The following STAM2 variants were observed in gnomAD, a reference collection of about 807,000 sequenced individuals.
STAM2 encodes the protein signal transducing adapter molecule 2.
Under a neutral mutation model 65.6 loss-of-function variants are expected in STAM2, and 51 were observed. The ratio of observed to expected loss-of-function variants is 0.78; its 90% CI spans 0.62 to 0.98. The LOEUF is 0.98. Ranked by LOEUF, STAM2 falls within the 50% of genes least tolerant of loss-of-function variation. STAM2 has a pLI of 0.00. For synonymous variants in STAM2, 198 were observed against 208.4 expected (o/e 0.95, Z 0.43); for missense variants, 584 against 617.8 (o/e 0.95, Z 0.58).
intron 1 of STAM2, among the ~76,000 whole-genome samples, chr2:152,151,178 C>CT (rs1159526368): frequency 0.028 from 3,393 of 121,174 alleles, 80 homozygotes; most frequent in African/African-American, 0.064. Context: ...TACATGAGTT[C>CT]TTTTTTTTTT....
chr2:152,169,378 G>T (rs1447970100), intron 1 of STAM2, among the ~76,000 whole-genome samples: 1 of 151,900 alleles, frequency 6.6e-6, no homozygotes, highest in Non-Finnish European at 1.5e-5. Flanking sequence ...CCTAGCTCAA[G>T]CCATCCTCCC....
chr2:152,159,730 C>T (rs939568799), intron 1 of STAM2, among the ~76,000 whole-genome samples: 2 of 152,046 alleles, frequency 1.3e-5, no homozygotes, highest in African/African-American at 2.4e-5. Context: ...TCTCCCTCTC[C>T]CCACAGTCTC....
intron 7 of STAM2, among the ~76,000 whole-genome samples, chr2:152,143,253 A>G (rs1689281672): frequency 6.6e-6 from 1 of 152,212 alleles, no homozygotes; most frequent in Non-Finnish European, 1.5e-5. Flanking sequence ...AATGGATACC[A>G]AATACATCTG....
chr2:152,147,879 A>G, intron 4 of STAM2, 145 bp downstream of exon 4: 1 of 677,802 alleles, frequency 1.5e-6, no homozygotes. Flanking sequence ...CACATTAAAA[A>G]ATCAAATTTC....
chr2:152,155,015 T>C (rs751985013), intron 1 of STAM2, among the ~76,000 whole-genome samples: 10 of 152,200 alleles, frequency 6.6e-5, no homozygotes, highest in Non-Finnish European at 1.3e-4. Context: ...ATTTTGTGCA[T>C]AGTCCTTTCT....
intron 12 of STAM2, among the ~76,000 whole-genome samples, chr2:152,124,844 G>C (rs1688922626): frequency 6.6e-6 from 1 of 152,170 alleles, no homozygotes; most frequent in South Asian, 2.1e-4. Context: ...CTGCAGTTTA[G>C]GGTTCCTGAG....
intron 1 of STAM2, among the ~76,000 whole-genome samples, chr2:152,173,572 ATTT>A (rs886813467): frequency 6.6e-6 from 1 of 151,464 alleles, no homozygotes; most frequent in Non-Finnish European, 1.5e-5. Flanking sequence ...AATTTTTTGT[ATTT>A]TGGTAGAAAC....
At chr2:152,123,046 G>A (rs1688886273) in intron 13 of STAM2, among the ~76,000 whole-genome samples, 1 of 151,780 alleles carries the variant, frequency 6.6e-6, no homozygotes, top group Non-Finnish European at 1.5e-5. Context: ...ACTCTATCCT[G>A]GGCGACTGAG....
chr2:152,157,736 T>G (rs763720403), intron 1 of STAM2, among the ~76,000 whole-genome samples: 1 of 152,234 alleles, frequency 6.6e-6, no homozygotes, highest in African/African-American at 2.4e-5. Context: ...GAACACTTCA[T>G]GCATTTAGTT....
chr2:152,129,527 T>C (rs4664531), intron 11 of STAM2, among the ~76,000 whole-genome samples: 41,468 of 152,062 alleles, frequency 0.27, 5,758 homozygotes, highest in Admixed American at 0.34. Context: ...GATTAAATTG[T>C]CATAGTTTCT....
At chr2:152,159,110 T>TATATATATATATATATATATATATACAC (rs575009275) in intron 1 of STAM2, among the ~76,000 whole-genome samples, 4 of 129,276 alleles carry the variant, frequency 3.1e-5, no homozygotes, top group Admixed American at 7.5e-5. Flanking sequence ...TATATATATA[T>TATATATATATATATATATATATATACAC]ACACACACAG....
chr2:152,156,844 T>C (rs550314005), intron 1 of STAM2, among the ~76,000 whole-genome samples: 1 of 152,260 alleles, frequency 6.6e-6, no homozygotes, highest in East Asian at 1.9e-4. Context: ...GCTCCTCCTA[T>C]TATGTTTGCA....
intron 1 of STAM2, among the ~76,000 whole-genome samples, chr2:152,170,006 T>C (rs1689870640): frequency 6.6e-6 from 1 of 151,876 alleles, no homozygotes; most frequent in Non-Finnish European, 1.5e-5. Flanking sequence ...CTCAGCTAAG[T>C]TTTGTATTTT....
intron 1 of STAM2, among the ~76,000 whole-genome samples, chr2:152,155,459 A>C (rs1421544330): frequency 6.6e-6 from 1 of 152,234 alleles, no homozygotes; most frequent in African/African-American, 2.4e-5. Context: ...CATGGCAACA[A>C]AACGTAACAG....
rs753925421 is a variant in STAM2, at chr2:152,143,814, A to T, written c.704+13T>A. ...TTACACTTTAAACCTTCCCATAAAG[A>T]TTTAAAACTTACCTGTCATCCAAAA... On this transcript the variant is annotated intron_variant, in intron 7 of 13. Transcript: ENST00000263904. 6.3e-7 allele frequency: 1 copy of T among 1,597,600 alleles called. No homozygotes were observed. Among genetic ancestry groups the T allele is most frequent in the East Asian group, 2.2e-5 (1 of 44,580 alleles).
At chr2:152,137,861 T>G (rs1398796474) in intron 7 of STAM2, among the ~76,000 whole-genome samples, 2 of 152,202 alleles carry the variant, frequency 1.3e-5, no homozygotes, top group African/African-American at 4.8e-5. Flanking sequence ...CAAAATTTAT[T>G]AAATAGTCCA....
At position 152,152,292 on chromosome 2, in the gene STAM2, T is replaced by C. The variant is rs948303062; in HGVS notation, c.41-2063A>G. Among the ~76,000 whole-genome samples the C allele has an allele frequency of 7.9e-5, 12 of 151,916 alleles. No individual in the cohort carries two copies. In the South Asian group the frequency reaches 8.3e-4, roughly 11 times the overall value. On this transcript the variant is annotated intron_variant, in intron 1 of 13. Coordinates refer to ENST00000263904, the MANE Select transcript of STAM2 (RefSeq NM_005843.6). Reference sequence around the variant, plus strand: ...TGGGCCAGGAGCGGTGGCTCACACCTGTAATCCAGCACTTTGGGAGGCCGA... The same window carrying C: ...TGGGCCAGGAGCGGTGGCTCACACCCGTAATCCAGCACTTTGGGAGGCCGA...
chr2:152,173,178 C>T (rs1278182471), intron 1 of STAM2, among the ~76,000 whole-genome samples: 2 of 149,904 alleles, frequency 1.3e-5, no homozygotes, highest in African/African-American at 4.9e-5. Context: ...TCAATGTATG[C>T]CTGCTGAATG....
At chr2:152,135,655 A>G (rs1404492681) in intron 7 of STAM2, 52 bp from the exon 8 acceptor site, 1 of 1,190,742 alleles carries the variant, frequency 8.4e-7, no homozygotes, top group Non-Finnish European at 1.2e-6. Context: ...TTAATACAAT[A>G]AGCAAAGATG....
Sources: gnomAD v4.1 joint callset for allele counts (sites outside exome capture counted in the v4.1 genomes callset) on GRCh38, gnomAD v4.1.1 for gene constraint, MANE v1.5 for transcripts, NCBI Gene and HGNC (gene_info 2026-07-23, HGNC 2026-07-21) for gene names.